BAZ2A: variants seen among roughly 807,000 people sequenced by gnomAD.
BAZ2A encodes bromodomain adjacent to zinc finger domain protein 2A.
BAZ2A carries 34 observed loss-of-function variants against 199.9 expected under a neutral mutation model. That is an observed-to-expected ratio of 0.17 (90% confidence interval 0.13 to 0.23). The LOEUF is 0.23. Ranked by LOEUF, BAZ2A falls within the 10% of genes least tolerant of loss-of-function variation. The pLI is 1.00. For synonymous variants in BAZ2A, 857 were observed against 883.9 expected (o/e 0.97, Z 0.54); for missense variants, 2,002 against 2,391.1 (o/e 0.84, Z 3.39).
At chr12:56,604,322 G>A in intron 15 of BAZ2A, 31 bp from the exon 16 acceptor site, 1 of 1,582,242 alleles carries the variant, frequency 6.3e-7, no homozygotes, top group Non-Finnish European at 8.6e-7. Context: ...GGATGAAGTG[G>A]CAGCACAAAA....
chr12:56,611,787 G>A lies in BAZ2A; in HGVS notation c.1595C>T (p.Thr532Ile), dbSNP rs549420706. 19 of 1,538,194 alleles carry A rather than the reference G, an allele frequency of 1.2e-5. No individual in the cohort carries two copies. The African/African-American group carries it at 2.5e-4, about 20-fold the overall frequency. The change falls in exon 6 of 29, where the codon ACT (threonine) becomes ATT (isoleucine). Residue 532 changes from threonine to isoleucine, a missense_variant. Physicochemically the swap from Thr to Ile is moderately conservative, Grantham distance 89 (BLOSUM62 -1). This residue lies in a region of BAZ2A where 641 missense variants were observed against 694.5 expected (regional missense o/e 0.92). Transcript: ENST00000549884. ...TGGATACTCACCACTACCAGAAGCAGTGAGTCCTTCTCCAGTGATCTCTTC... is the reference window on the plus strand; with the variant it reads ...TGGATACTCACCACTACCAGAAGCAATGAGTCCTTCTCCAGTGATCTCTTC... ...DVEEITGEGL[T>I]ASGSGDVMRR...
intron 19 of BAZ2A, 108 bp downstream of exon 19, chr12:56,602,605 A>T: frequency 7.1e-7 from 1 of 1,408,348 alleles, no homozygotes; most frequent in Non-Finnish European, 9.6e-7. Context: ...CTTAACCATT[A>T]CGCTATATTA....
chr12:56,610,392 A>G lies in BAZ2A; in HGVS notation c.1779+17T>C. ...ACTGAGCCCAAGAAAGCAGTCCTTT[A>G]AAAAAAGCTACATTACCTTGATCAC... On this transcript the variant is annotated intron_variant, in intron 8 of 28. Coordinates refer to ENST00000549884, the MANE Select transcript of BAZ2A (RefSeq NM_001300905.2). 6.2e-7 allele frequency: 1 copy of G among 1,611,152 alleles called. No homozygotes were observed. Among genetic ancestry groups the G allele is most frequent in the South Asian group, 1.1e-5 (1 of 90,864 alleles).
intron 5 of BAZ2A, 101 bp downstream of exon 5, chr12:56,612,914 G>A (rs968823887): frequency 2.0e-5 from 27 of 1,333,278 alleles, no homozygotes; most frequent in South Asian, 2.6e-5. Context: ...GAGCCACTGC[G>A]CCCAGCCAGA....
At chr12:56,626,502 A>G (rs1447387016) in intron 1 of BAZ2A, among the ~76,000 whole-genome samples, 1 of 152,248 alleles carries the variant, frequency 6.6e-6, no homozygotes, top group African/African-American at 2.4e-5. Context: ...CAAGACTACA[A>G]GATGAACCCT....
intron 25 of BAZ2A, 54 bp downstream of exon 25, chr12:56,599,910 C>G: frequency 2.5e-6 from 4 of 1,613,190 alleles, no homozygotes; most frequent in Non-Finnish European, 3.4e-6. Context: ...AGTGACCCCA[C>G]CCCGCCCCTG....
At position 56,598,520 on chromosome 12, in the gene BAZ2A, G is replaced by C; in HGVS notation, c.*98C>G. 1 of 1,445,562 alleles carries C rather than the reference G, an allele frequency of 6.9e-7. No homozygotes were observed. The highest frequency in any genetic ancestry group is 9.3e-7 in the Non-Finnish European group (1 of 1,079,508). 89.5% of individuals were successfully genotyped at this position (1,445,562 alleles called of 1,614,324 possible). ...CAAAAATCAGGGTTGTATCTGACTT[G>C]AGTCTGGACCCAGGGCAGCATCAGC... is the stretch of plus-strand genomic sequence containing the variant. On this transcript the variant is annotated 3_prime_UTR_variant, in exon 29 of 29. Transcript: ENST00000549884.
chr12:56,630,103 C>T, intron 1 of BAZ2A, 22 bp downstream of exon 1: 1 of 976,588 alleles, frequency 1.0e-6, no homozygotes, highest in Non-Finnish European at 1.2e-6. Context: ...CCCTCAGGCC[C>T]CTGGCCACAG....
rs372009622 is a variant in BAZ2A, at chr12:56,599,173, C to T, written c.5358G>A (p.Arg1786=). 2.1e-5 allele frequency: 34 copies of T among 1,612,828 alleles called. No homozygotes were observed. The highest frequency in any genetic ancestry group is 2.7e-5 in the Non-Finnish European group (32 of 1,179,556). The part of the protein sequence containing the change: ...SEEGLSPSKR[R]RLSMRNHHSD... Reference sequence around the variant, plus strand: ...TGTGGTGGTTCCGCATAGAGAGTCGCCGCCGCTTGGAGGGGGAGAGCCCTT... The same window carrying T: ...TGTGGTGGTTCCGCATAGAGAGTCGTCGCCGCTTGGAGGGGGAGAGCCCTT... The change falls in exon 27 of 29, where the codon CGG becomes CGA. Residue 1786 remains arginine, a synonymous_variant. Transcript: ENST00000549884.
At chr12:56,634,030 C>A (rs1185581711), upstream of BAZ2A, among the ~76,000 whole-genome samples, 1 of 152,156 alleles carries the variant, frequency 6.6e-6, no homozygotes, top group African/African-American at 2.4e-5. Flanking sequence ...CTCCACCCGG[C>A]CCCCTTCTCC....
At chr12:56,604,315 T>G (rs753168681) in intron 15 of BAZ2A, 24 bp from the exon 16 acceptor site, 2 of 1,593,510 alleles carry the variant, frequency 1.3e-6, no homozygotes, top group South Asian at 2.3e-5. Context: ...GGGAATAGGA[T>G]GAAGTGGCAG....
intron 3 of BAZ2A, 150 bp from the exon 4 acceptor site, chr12:56,614,288 G>A (rs1950647969): frequency 2.6e-6 from 2 of 756,136 alleles, no homozygotes; most frequent in East Asian, 2.6e-5. Context: ...ATCACATCAA[G>A]ATACTCTGAG....
intron 3 of BAZ2A, among the ~76,000 whole-genome samples, chr12:56,614,648 T>C (rs1950660357): frequency 6.6e-6 from 1 of 152,228 alleles, no homozygotes; most frequent in Non-Finnish European, 1.5e-5. Flanking sequence ...ACAGCCAGTC[T>C]GATCCTGCCA....
chr12:56,597,284 G>C lies in BAZ2A; in HGVS notation c.*1334C>G, dbSNP rs1481336636. The C allele has an allele frequency of 6.6e-6, 1 of 152,366 alleles. No homozygotes were observed. Among genetic ancestry groups the C allele is most frequent in the Non-Finnish European group, 1.5e-5 (1 of 68,028 alleles). The allele number at this position is 152,366 out of a possible 1,614,324, so 9.4% of individuals were successfully genotyped here. On this transcript the variant is annotated 3_prime_UTR_variant, in exon 29 of 29. Coordinates refer to ENST00000549884, the MANE Select transcript of BAZ2A (RefSeq NM_001300905.2). ...AAATGAAGAAAAGCACAACTAAATG[G>C]GATTAGGAAATGATCCAGTTCTACC...
At chr12:56,637,100 C>T (rs1167687960), upstream of BAZ2A, among the ~76,000 whole-genome samples, 1 of 152,214 alleles carries the variant, frequency 6.6e-6, no homozygotes, top group African/African-American at 2.4e-5. Flanking sequence ...CCCAGCTGGT[C>T]TGTAAACAGT....
rs776639246 is a variant in BAZ2A at position 56,603,726 on chromosome 12, G to GGGAA, written c.3039-30_3039-27dup. 1.4e-5 allele frequency: 23 copies of GGGAA among 1,612,692 alleles called. No individual in the cohort carries two copies. In the Admixed American group the frequency reaches 3.8e-4, roughly 27 times the overall value. On this transcript the variant is annotated intron_variant, in intron 16 of 28. Coordinates refer to ENST00000549884, the MANE Select transcript of BAZ2A (RefSeq NM_001300905.2). ...CTTGAAATAGATGGAGAAAGATTAAGGGAAGGCCAAGTGTGGTGGCTCACA... is the reference window on the plus strand; with the variant it reads ...CTTGAAATAGATGGAGAAAGATTAAGGGAAGGAAGGCCAAGTGTGGTGGCTCACA...
chr12:56,637,686 CTAAAACGAG>C (rs1951479553), upstream of BAZ2A, among the ~76,000 whole-genome samples: 1 of 151,528 alleles, frequency 6.6e-6, no homozygotes, highest in Admixed American at 6.6e-5. Flanking sequence ...TAAGTTATTT[CTAAAACGAG>C]TTTTTCCCAA....
chr12:56,623,562 T>A (rs1023562212), intron 1 of BAZ2A, among the ~76,000 whole-genome samples: 2 of 152,250 alleles, frequency 1.3e-5, no homozygotes, highest in African/African-American at 4.8e-5. Flanking sequence ...TTTGTAATTG[T>A]GAACATCATG....
chr12:56,616,473 G>A (rs866529910), intron 2 of BAZ2A, among the ~76,000 whole-genome samples: 17 of 152,320 alleles, frequency 1.1e-4, no homozygotes, highest in South Asian at 4.1e-4. Flanking sequence ...TCAGAAGGCT[G>A]GGCTTGGCCC....
Sources: allele counts gnomAD v4.1 joint callset (sites outside exome capture counted in the v4.1 genomes callset), GRCh38; gene constraint gnomAD v4.1.1; regional missense constraint gnomAD v4.1.1; transcripts MANE v1.5; gene names NCBI Gene and HGNC (gene_info 2026-07-23, HGNC 2026-07-21).